NT5C2: variants seen among roughly 807,000 people sequenced by gnomAD.
The protein encoded by NT5C2 is cytosolic purine 5'-nucleotidase.
Under a neutral mutation model 76.1 loss-of-function variants are expected in NT5C2, and 58 were observed. The ratio of observed to expected loss-of-function variants is 0.76; its 90% confidence interval spans 0.62 to 0.95. The LOEUF (loss-of-function observed/expected upper bound fraction) is 0.95. Among genes scored for constraint, NT5C2 ranks in the 40% least tolerant of loss-of-function variants. The probability of loss-of-function intolerance (pLI) is 0.00; values close to 1 mark genes in which losing one functional copy is unlikely to be tolerated. For missense variants in NT5C2, 478 were observed against 690.3 expected (o/e 0.69, Z 3.45); for synonymous variants, 229 against 237.4 (o/e 0.96, Z 0.32).
chr10:103,176,270 T>C (rs2089913650), intron 2 of NT5C2, among the ~76,000 whole-genome samples: 1 of 152,172 alleles, frequency 6.6e-6, no homozygotes, highest in South Asian at 2.1e-4. Flanking sequence ...GTTTTCCTCT[T>C]AAGGCCAGCT....
At chr10:103,150,450 A>G (rs1170437794) in intron 3 of NT5C2, among the ~76,000 whole-genome samples, 1 of 152,236 alleles carries the variant, frequency 6.6e-6, no homozygotes, top group African/African-American at 2.4e-5. Context: ...GTTTGTTTCC[A>G]GCTTTCGACT....
chr10:103,143,419 T>C (rs2080898648), intron 3 of NT5C2, among the ~76,000 whole-genome samples: 1 of 151,962 alleles, frequency 6.6e-6, no homozygotes, highest in Non-Finnish European at 1.5e-5. Context: ...GCCTAATTTA[T>C]ATATTTATAT....
intron 3 of NT5C2, among the ~76,000 whole-genome samples, chr10:103,142,630 T>C (rs748926660): frequency 6.6e-6 from 1 of 151,794 alleles, no homozygotes; most frequent in Non-Finnish European, 1.5e-5. Flanking sequence ...ATTGTACCAC[T>C]GCATTCCAGC....
chr10:103,102,630 T>C (rs1372807162), intron 6 of NT5C2, among the ~76,000 whole-genome samples: 3 of 150,788 alleles, frequency 2.0e-5, no homozygotes, highest in South Asian at 2.1e-4. Context: ...ATTACCAAGG[T>C]AAAATAAGAC....
chr10:103,129,561 C>G (rs1591228671), intron 4 of NT5C2, among the ~76,000 whole-genome samples: 1 of 125,862 alleles, frequency 7.9e-6, no homozygotes, highest in African/African-American at 2.9e-5. Context: ...GCCGCCCCGT[C>G]CGGGAGGGAG....
Position 103,105,760 on chromosome 10 carries a change from A to G in NT5C2, c.335T>C (p.Val112Ala). 5 of 1,613,490 alleles carry G rather than the reference A, an allele frequency of 3.1e-6. No homozygotes were observed. The highest frequency in any genetic ancestry group is 4.2e-6 in the Non-Finnish European group (5 of 1,179,558). ...GACCAAGAGGTTTCCATAGGCATCG[A>G]CTTTCAAAAGATTTCCATACAGTGT... ...FDTLYGNLLK[V>A]DAYGNLLVCA... Residue 112 changes from valine to alanine, a missense_variant, in exon 6 of 19, where the codon GTC (valine) becomes GCC (alanine). By Grantham distance (64) the Val-to-Ala change is moderately conservative. Coordinates refer to ENST00000404739, the MANE Select transcript of NT5C2 (RefSeq NM_001351169.2).
chr10:103,152,534 A>G (rs2082584795), intron 3 of NT5C2, among the ~76,000 whole-genome samples: 1 of 152,204 alleles, frequency 6.6e-6, no homozygotes, highest in Non-Finnish European at 1.5e-5. Context: ...TAGAAAGATA[A>G]TTAATAGATT....
intron 3 of NT5C2, among the ~76,000 whole-genome samples, chr10:103,159,292 CAATT>C (rs1029936949): frequency 2.1e-5 from 3 of 143,582 alleles, no homozygotes; most frequent in Non-Finnish European, 3.0e-5. Context: ...CACACACACA[CAATT>C]AGAGCTAATA....
chr10:103,192,529 G>T (rs981300566), intron 1 of NT5C2, among the ~76,000 whole-genome samples: 1 of 152,216 alleles, frequency 6.6e-6, no homozygotes, highest in African/African-American at 2.4e-5. Context: ...GAAAAAAGGA[G>T]AAGAATAGGC....
At chr10:103,175,320 AT>A (rs2089556708) in intron 2 of NT5C2, among the ~76,000 whole-genome samples, 1 of 152,182 alleles carries the variant, frequency 6.6e-6, no homozygotes, top group Admixed American at 6.5e-5. Context: ...TTTTAAGTTG[AT>A]GTATGTTTTT....
In NT5C2 at chr10:103,106,637, T is replaced by G; in HGVS notation, c.245A>C (p.Tyr82Ser). The G allele has an allele frequency of 6.2e-7, 1 of 1,613,872 alleles. No individual in the cohort carries two copies. Among genetic ancestry groups the G allele is most frequent in the Non-Finnish European group, 8.5e-7 (1 of 1,179,820 alleles). Residue 82 changes from tyrosine (Y) to serine (S), a missense_variant, in exon 5 of 19, where the codon TAT becomes TCT. Transcript: ENST00000404739. The part of the protein sequence containing the change: ...LTVERLVSIG[Y>S]PQELLSFAYD... The stretch of plus-strand genomic sequence containing the variant: ...AGCAAAGCTGAGCAACTCCTGGGGA[T>G]AGCCAATAGAAACTAATCTCTCCAC...
chr10:103,192,573 C>A lies in NT5C2; in HGVS notation c.-169+663G>T, dbSNP rs545871977. Among the ~76,000 whole-genome samples the A allele has an allele frequency of 7.2e-5, 11 of 152,348 alleles. 1 individual carries two copies. The South Asian group carries it at 2.3e-3, about 32-fold the overall frequency. ...AACGGCTCAGCCCCCTGACCAGGAG[C>A]TGTCCGGATGTTTTTTGTGGCGGCT... On this transcript the variant is annotated intron_variant, in intron 1 of 18. Coordinates refer to ENST00000404739, the MANE Select transcript of NT5C2 (RefSeq NM_001351169.2).
intron 4 of NT5C2, among the ~76,000 whole-genome samples, chr10:103,108,850 TTTTC>T (rs1214472770): frequency 2.0e-5 from 3 of 151,586 alleles, no homozygotes; most frequent in Admixed American, 6.6e-5. Flanking sequence ...TAACTTTTTT[TTTTC>T]TTTTTCTTTT....
At chr10:103,095,912 A>G (rs1232384859) in intron 12 of NT5C2, 27 bp downstream of exon 12, 1 of 1,583,662 alleles carries the variant, frequency 6.3e-7, no homozygotes, top group African/African-American at 1.3e-5. Context: ...TTATTAAAGC[A>G]GTGGTCTATT....
rs2066069179 is a variant in NT5C2 at position 103,089,065 on chromosome 10, G to A, written c.*607C>T. 4.5e-6 allele frequency: 1 copy of A among 221,462 alleles called. No individual in the cohort carries two copies. The highest frequency in any genetic ancestry group is 2.2e-5 in the African/African-American group (1 of 44,736). The allele number at this position is 221,462 out of a possible 1,614,324, so 13.7% of individuals were successfully genotyped here. ...GGATACTGTCTTTTCCCTCAAAATAGAATCCTGCCCTAAAGCAACGCAAGT... is the reference window on the plus strand; with the variant it reads ...GGATACTGTCTTTTCCCTCAAAATAAAATCCTGCCCTAAAGCAACGCAAGT... On this transcript the variant is annotated 3_prime_UTR_variant, in exon 19 of 19. Transcript: ENST00000404739.
intron 3 of NT5C2, chr10:103,153,569 T>C (rs1160911549): frequency 2.0e-6 from 2 of 985,302 alleles, no homozygotes; most frequent in African/African-American, 1.7e-5. Context: ...TGTTTAAGGC[T>C]GGCCAGTTAA....
chr10:103,125,621 C>T (rs1287043223), intron 4 of NT5C2, among the ~76,000 whole-genome samples: 1 of 152,118 alleles, frequency 6.6e-6, no homozygotes, highest in Non-Finnish European at 1.5e-5. Context: ...AAGAATTTCT[C>T]ATTTGAAGCC....
intron 3 of NT5C2, among the ~76,000 whole-genome samples, chr10:103,162,078 C>T (rs2085042128): frequency 6.6e-6 from 1 of 152,108 alleles, no homozygotes; most frequent in South Asian, 2.1e-4. Context: ...TGCAGTGGTG[C>T]AATCTTGGCT....
chr10:103,122,231 G>T (rs760114494), intron 4 of NT5C2, among the ~76,000 whole-genome samples: 1 of 152,156 alleles, frequency 6.6e-6, no homozygotes, highest in South Asian at 2.1e-4. Context: ...TAATCCTGAG[G>T]CTTAACGAAG....
Sources: allele counts gnomAD v4.1 joint callset (sites outside exome capture counted in the v4.1 genomes callset), GRCh38; gene constraint gnomAD v4.1.1; transcripts MANE v1.5; gene names NCBI Gene and HGNC (gene_info 2026-07-23, HGNC 2026-07-21).